RABL2B: variants seen among roughly 807,000 people sequenced by gnomAD.
RABL2B encodes the protein rab-like protein 2B.
Under a neutral mutation model 26.7 loss-of-function variants are expected in RABL2B, and 17 were observed. The ratio of observed to expected loss-of-function variants is 0.64; its 90% confidence interval spans 0.44 to 0.95. The LOEUF (loss-of-function observed/expected upper bound fraction) is 0.95. RABL2B is among the 40% of genes least tolerant of loss of function. The pLI, the probability that RABL2B is intolerant of heterozygous loss-of-function variation, is 0.00. For synonymous variants in RABL2B, 70 were observed against 103.9 expected, an observed-to-expected ratio of 0.67 and a Z score of 1.99; for missense variants, 170 against 277.2, an observed-to-expected ratio of 0.61 and a Z score of 2.75.
At chr22:50,779,442 G>C (rs1344889004) in intron 2 of RABL2B, among the ~76,000 whole-genome samples, 1 of 151,700 alleles carries the variant, frequency 6.6e-6, no homozygotes, top group African/African-American at 2.4e-5. Flanking sequence ...AGGATAATGA[G>C]AGCTTGGGAC....
intron 5 of RABL2B, among the ~76,000 whole-genome samples, chr22:50,775,242 T>C (rs1358085077): frequency 6.6e-6 from 1 of 152,110 alleles, no homozygotes; most frequent in Non-Finnish European, 1.5e-5. Flanking sequence ...TCGGCTGCAT[T>C]TTTCTCTTGG....
chr22:50,780,586 T>G, intron 2 of RABL2B: 1 of 429,100 alleles, frequency 2.3e-6, no homozygotes, highest in South Asian at 1.7e-5. Flanking sequence ...CAGTCAAAAC[T>G]GAACCACAGT....
In RABL2B at chr22:50,783,530, C is replaced by G. The variant is rs1184120416; in HGVS notation, c.-83G>C. 1 of 152,238 alleles carries G rather than the reference C, an allele frequency of 6.6e-6. No homozygotes were observed. Among genetic ancestry groups the G allele is most frequent in the Non-Finnish European group, 1.5e-5 (1 of 68,032 alleles). 9.4% of individuals were successfully genotyped at this position (152,238 alleles called of 1,614,324 possible). ...GGTTCCGAGTGAGGGCTGGAGAGAC[C>G]AGGGACGCTGCGGGTCGGCCCCTCG... On this transcript the variant is annotated 5_prime_UTR_variant, in exon 1 of 9. Transcript: ENST00000691320.
At chr22:50,778,093 C>G in intron 2 of RABL2B, 112 bp from the exon 3 acceptor site, 1 of 1,407,330 alleles carries the variant, frequency 7.1e-7, no homozygotes, top group Non-Finnish European at 1.0e-6. Flanking sequence ...TCCCTTCCCC[C>G]TTTCACTCCA....
chr22:50,780,477 C>T (rs1378851674), intron 2 of RABL2B: 1 of 291,696 alleles, frequency 3.4e-6, no homozygotes, highest in Non-Finnish European at 7.0e-6. Context: ...CATAGCTCAC[C>T]ACAGCCTGGA....
intron 5 of RABL2B, among the ~76,000 whole-genome samples, chr22:50,774,056 G>A (rs1278187042): frequency 6.6e-6 from 1 of 152,058 alleles, no homozygotes; most frequent in African/African-American, 2.4e-5. Flanking sequence ...TACCACGCCC[G>A]GCTAATTTTT....
At chr22:50,770,901 ATTTTT>A (rs1280905813) in intron 5 of RABL2B, among the ~76,000 whole-genome samples, 1 of 135,656 alleles carries the variant, frequency 7.4e-6, no homozygotes, top group Non-Finnish European at 1.5e-5. Context: ...ATTAATTTTT[ATTTTT>A]TTATTTTTTT....
chr22:50,775,054 C>T (rs1471448716), intron 5 of RABL2B, among the ~76,000 whole-genome samples: 1 of 152,216 alleles, frequency 6.6e-6, no homozygotes, highest in Non-Finnish European at 1.5e-5. Context: ...GCTGGGATTA[C>T]AGGCATGAGC....
At position 50,768,855 on chromosome 22, in the gene RABL2B, T is replaced by A; in HGVS notation, c.611A>T (p.Glu204Val). The A allele has an allele frequency of 6.2e-7, 1 of 1,612,990 alleles. No homozygotes were observed. The highest frequency in any genetic ancestry group is 1.1e-5 in the South Asian group (1 of 91,008). The change falls in exon 9 of 9, where the codon GAA becomes GTA. Residue 204 changes from glutamate (E) to valine (V), a missense_variant. Transcript: ENST00000691320. ...TTCCTGGTCTGGCACGTCCTCCTCT[T>A]CCTGCTCCAAGCTGAAGTTCTGTGA... ...QELENFSLEQ[E>V]EEDVPDQEQS...
At chr22:50,776,020 T>C (rs142749239) in intron 4 of RABL2B, among the ~76,000 whole-genome samples, 169 bp from the exon 5 acceptor site, 1 of 152,142 alleles carries the variant, frequency 6.6e-6, no homozygotes, top group Admixed American at 6.5e-5. Flanking sequence ...AGACACAGTG[T>C]ACCTGAGTGT....
chr22:50,781,228 T>C lies in RABL2B; in HGVS notation c.107+960A>G, dbSNP rs377308266. 4.8e-4 allele frequency among the ~76,000 whole-genome samples: 72 copies of C among 151,322 alleles called. 1 individual carries two copies. Among genetic ancestry groups the C allele is most frequent in the East Asian group, 1.8e-3 (9 of 5,138 alleles). On this transcript the variant is annotated intron_variant, in intron 2 of 8. Transcript: ENST00000691320. ...GTGTGGTGGCAGGCGCCTGTAGTCC[T>C]AGCTACTCGCAAGGCTGTGGCAGGA...
Position 50,767,811 on chromosome 22 carries a change from G to A in RABL2B, c.*965C>T, listed in dbSNP as rs1378953878. ...CCTTGTGGTATGGCTGTAAGGACTC[G>A]ATTTTACGGCTTGTGTATTCCTAAC... is the stretch of plus-strand genomic sequence containing the variant. On this transcript the variant is annotated 3_prime_UTR_variant, in exon 9 of 9. Transcript: ENST00000691320. 2.2e-6 allele frequency: 1 copy of A among 448,692 alleles called. No individual in the cohort carries two copies. Among genetic ancestry groups the A allele is most frequent in the South Asian group, 1.6e-5 (1 of 63,360 alleles). The allele number at this position is 448,692 out of a possible 1,614,324, so 27.8% of individuals were successfully genotyped here.
At chr22:50,781,686 G>A (rs1384560223) in intron 2 of RABL2B, among the ~76,000 whole-genome samples, 5 of 152,134 alleles carry the variant, frequency 3.3e-5, no homozygotes, top group Non-Finnish European at 7.3e-5. Context: ...CTGGCAGCAC[G>A]GCAGAGCCTC....
intron 3 of RABL2B, 45 bp from the exon 4 acceptor site, chr22:50,776,794 G>A (rs566604154): frequency 6.4e-7 from 1 of 1,571,154 alleles, no homozygotes; most frequent in Non-Finnish European, 8.6e-7. Context: ...GGGAGGTAAG[G>A]AAGGAGTGGG....
intron 5 of RABL2B, among the ~76,000 whole-genome samples, chr22:50,774,571 G>C (rs2084684535): frequency 6.7e-6 from 1 of 148,200 alleles, no homozygotes; most frequent in Non-Finnish European, 1.5e-5. Flanking sequence ...AGTCTTCTTA[G>C]CTGAGACTTC....
intron 5 of RABL2B, chr22:50,772,340 A>G (rs1195707662): frequency 2.0e-6 from 2 of 985,430 alleles, no homozygotes; most frequent in Non-Finnish European, 1.2e-6. Context: ...GTTTCTACCT[A>G]TTTTAAAATA....
intron 2 of RABL2B, among the ~76,000 whole-genome samples, chr22:50,780,145 G>T (rs1165141168): frequency 2.0e-5 from 3 of 151,874 alleles, no homozygotes; most frequent in African/African-American, 7.3e-5. Flanking sequence ...CAGGTCTGAG[G>T]TCACCTGTTC....
chr22:50,768,784 G>A lies in RABL2B; in HGVS notation c.682C>T (p.His228Tyr). ...ETPSEEAASPHS is the reference protein window; with the variant it reads ...ETPSEEAASPYS ...CCCCTAGCCCCAGCCCCTCAGCTGT[G>A]GGGAGAGGCCGCCTCCTCTGATGGG... is the stretch of plus-strand genomic sequence containing the variant. Residue 228 changes from histidine to tyrosine, a missense_variant, in exon 9 of 9, where the codon CAC becomes TAC. By Grantham distance (83) the His-to-Tyr change is moderately conservative (BLOSUM62 2). This residue lies in a region of RABL2B where 165 missense variants were observed against 232.0 expected (regional missense o/e 0.71). Coordinates refer to ENST00000691320, the MANE Select transcript of RABL2B (RefSeq NM_001130919.3). 5 of 1,613,902 alleles carry A rather than the reference G, an allele frequency of 3.1e-6. No homozygotes were observed. The highest frequency in any genetic ancestry group is 4.2e-6 in the Non-Finnish European group (5 of 1,179,866).
chr22:50,781,988 G>C (rs528790515), intron 2 of RABL2B, among the ~76,000 whole-genome samples, 200 bp downstream of exon 2: 1 of 151,226 alleles, frequency 6.6e-6, no homozygotes, highest in East Asian at 1.9e-4. Context: ...AAATTCCTCA[G>C]TCCTTATGAC....
Sources: gnomAD v4.1 joint callset for allele counts (sites outside exome capture counted in the v4.1 genomes callset) on GRCh38, gnomAD v4.1.1 for gene constraint, gnomAD v4.1.1 regional missense constraint, MANE v1.5 for transcripts, NCBI Gene and HGNC (gene_info 2026-07-23, HGNC 2026-07-21) for gene names.